ZNF385D: variants seen among roughly 807,000 people sequenced by gnomAD.
The protein encoded by ZNF385D is zinc finger protein 659.
Under a neutral mutation model 35.8 loss-of-function variants are expected in ZNF385D, and 15 were observed. The observed-to-expected ratio is 0.42, with a 90% CI of 0.28 to 0.64. ZNF385D has a LOEUF of 0.64. Ranked by LOEUF, ZNF385D falls within the 30% of genes least tolerant of loss-of-function variation. The pLI is 0.23. For missense variants in ZNF385D, 474 were observed against 494.6 expected (o/e 0.96, Z 0.39); for synonymous variants, 212 against 186.8 (o/e 1.13, Z -1.10).
chr3:21,966,054 T>C (rs937599540), intron 3 of ZNF385D, among the ~76,000 whole-genome samples: 1 of 152,190 alleles, frequency 6.6e-6, no homozygotes, highest in Non-Finnish European at 1.5e-5. Context: ...CTTTCCTAGA[T>C]CTTTACTCCT....
chr3:22,073,696 G>A (rs1700333938), intron 3 of ZNF385D, among the ~76,000 whole-genome samples: 1 of 151,442 alleles, frequency 6.6e-6, no homozygotes, highest in African/African-American at 2.4e-5. Flanking sequence ...GATTGTAGGG[G>A]GAATTAAAGA....
intron 3 of ZNF385D, among the ~76,000 whole-genome samples, chr3:22,081,702 C>T (rs1025745687): frequency 2.9e-4 from 44 of 152,124 alleles, no homozygotes; most frequent in African/African-American, 7.5e-4. Context: ...AACCTTTCCA[C>T]GGCAGCCTTT....
chr3:22,338,761 C>T (rs112091229), intron 2 of ZNF385D, among the ~76,000 whole-genome samples: 29,717 of 140,906 alleles, frequency 0.21, 3,409 homozygotes, highest in Non-Finnish European at 0.26. Context: ...AGTACAATGG[C>T]GCGATCTCGG....
chr3:21,974,243 A>G (rs1240805214), intron 3 of ZNF385D, among the ~76,000 whole-genome samples: 1 of 152,158 alleles, frequency 6.6e-6, no homozygotes, highest in Non-Finnish European at 1.5e-5. Flanking sequence ...CCAGTGGAAC[A>G]GAATAGAGAA....
intron 2 of ZNF385D, among the ~76,000 whole-genome samples, chr3:22,328,774 TTAA>T: frequency 7.1e-6 from 1 of 141,364 alleles, no homozygotes; most frequent in South Asian, 2.2e-4. Flanking sequence ...AAAAAAAAAG[TTAA>T]TAAAAAAGAG....
At chr3:22,024,032 G>C (rs1038557169) in intron 3 of ZNF385D, among the ~76,000 whole-genome samples, 4 of 152,158 alleles carry the variant, frequency 2.6e-5, no homozygotes, top group African/African-American at 7.2e-5. Flanking sequence ...ATTTGAGTAA[G>C]TGGACTGGGA....
intron 2 of ZNF385D, among the ~76,000 whole-genome samples, chr3:22,169,484 G>C (rs1225424388): frequency 6.6e-6 from 1 of 152,080 alleles, no homozygotes; most frequent in African/African-American, 2.4e-5. Context: ...AGATTATTTT[G>C]TTTTAATTCA....
intron 3 of ZNF385D, among the ~76,000 whole-genome samples, chr3:21,768,733 A>G (rs2070943304): frequency 1.3e-5 from 2 of 151,958 alleles, no homozygotes; most frequent in Admixed American, 6.6e-5. Flanking sequence ...GTGGGTAGTT[A>G]CTGCTGTTGT....
At chr3:22,104,137 G>A (rs561161424) in intron 3 of ZNF385D, among the ~76,000 whole-genome samples, 1 of 152,070 alleles carries the variant, frequency 6.6e-6, no homozygotes, top group East Asian at 1.9e-4. Context: ...GAGACAAATT[G>A]GTCCAGCTCT....
chr3:21,671,186 C>T (rs939783439), intron 1 of ZNF385D, among the ~76,000 whole-genome samples: 3 of 152,200 alleles, frequency 2.0e-5, no homozygotes, highest in African/African-American at 7.2e-5. Context: ...CTGTTCCCTT[C>T]GTCCCTTCCT....
At chr3:21,735,797 T>C (rs1273627771) in intron 1 of ZNF385D, among the ~76,000 whole-genome samples, 1 of 152,216 alleles carries the variant, frequency 6.6e-6, no homozygotes, top group Non-Finnish European at 1.5e-5. Context: ...AGCTGATTGG[T>C]TGCCTTGTCC....
chr3:21,432,040 A>G (rs1701313364), intron 5 of ZNF385D, among the ~76,000 whole-genome samples: 1 of 152,182 alleles, frequency 6.6e-6, no homozygotes, highest in Admixed American at 6.6e-5. Flanking sequence ...ATGAACAAAT[A>G]CAACTTTTTT....
chr3:21,825,713 C>T (rs1052405618), intron 3 of ZNF385D, among the ~76,000 whole-genome samples: 1 of 152,166 alleles, frequency 6.6e-6, no homozygotes, highest in African/African-American at 2.4e-5. Context: ...TTGTCTCTTT[C>T]TCTGTGTTTG....
chr3:21,518,572 T>C (rs1707721108), intron 3 of ZNF385D, among the ~76,000 whole-genome samples: 1 of 152,174 alleles, frequency 6.6e-6, no homozygotes, highest in Non-Finnish European at 1.5e-5. Context: ...CTCTTAAAAC[T>C]TCACTATAAC....
intron 2 of ZNF385D, among the ~76,000 whole-genome samples, chr3:21,574,509 A>G (rs2063435936): frequency 6.6e-6 from 1 of 152,218 alleles, no homozygotes; most frequent in African/African-American, 2.4e-5. Context: ...ATTGAAGGAA[A>G]GTAATACTGG....
intron 3 of ZNF385D, among the ~76,000 whole-genome samples, chr3:22,146,174 C>A (rs577878507): frequency 6.6e-6 from 1 of 152,198 alleles, no homozygotes; most frequent in South Asian, 2.1e-4. Context: ...ACCATCTGGT[C>A]TACTAAAAAA....
intron 3 of ZNF385D, among the ~76,000 whole-genome samples, chr3:22,156,686 CA>C: frequency 6.6e-6 from 1 of 152,218 alleles, no homozygotes; most frequent in East Asian, 1.9e-4. Context: ...AACTGAGCCA[CA>C]GCCATCTCTT....
intron 3 of ZNF385D, among the ~76,000 whole-genome samples, chr3:21,531,961 A>G (rs192058): frequency 0.2 from 30,623 of 152,118 alleles, 3,399 homozygotes; most frequent in African/African-American, 0.29. Flanking sequence ...GGGAATATTG[A>G]TAATGGGTAA....
At chr3:21,817,787 C>G (rs901988814) in intron 3 of ZNF385D, among the ~76,000 whole-genome samples, 1 of 152,146 alleles carries the variant, frequency 6.6e-6, no homozygotes, top group Admixed American at 6.5e-5. Context: ...GGATCTAGAA[C>G]TAGAAATACC....
Sources: gnomAD v4.1 joint callset for allele counts (sites outside exome capture counted in the v4.1 genomes callset) on GRCh38, gnomAD v4.1.1 for gene constraint, MANE v1.5 for transcripts, NCBI Gene and HGNC (gene_info 2026-07-23, HGNC 2026-07-21) for gene names.